Variants in VWA5A observed in about 807,000 individuals in gnomAD.
VWA5A encodes von Willebrand factor A domain-containing protein 5A.
Under a neutral mutation model 84.6 loss-of-function variants are expected in VWA5A, and 77 were observed. That is an observed-to-expected ratio of 0.91 (90% CI 0.76 to 1.10). VWA5A has a LOEUF of 1.10. Ranked by LOEUF, VWA5A falls within the 50% of genes least tolerant of loss-of-function variation. The probability of loss-of-function intolerance (pLI) is 0.00; values close to 1 mark genes in which losing one functional copy is unlikely to be tolerated. For missense variants in VWA5A, 973 were observed against 963.0 expected, an observed-to-expected ratio of 1.01 and a Z score of -0.14; for synonymous variants, 334 against 350.1, an observed-to-expected ratio of 0.95 and a Z score of 0.51.
Position 124,118,625 on chromosome 11 carries a change from T to A in VWA5A, c.562T>A (p.Ser188Thr), listed in dbSNP as rs1266075817. ...ACTCAGCATGGTCGCCACCATAGATTCCCAGCATGGCATTGAGAAGGTCCA... is the reference window on the plus strand; with the variant it reads ...ACTCAGCATGGTCGCCACCATAGATACCCAGCATGGCATTGAGAAGGTCCA... ...YTLSMVATID[S>T]QHGIEKVQSN... Residue 188 changes from serine to threonine, a missense_variant, in exon 6 of 19, where the codon TCC becomes ACC. Transcript: ENST00000456829. 5 of 1,614,120 alleles carry A rather than the reference T, an allele frequency of 3.1e-6. No individual in the cohort carries two copies. The Admixed American group carries it at 8.3e-5, about 27-fold the overall frequency.
At position 124,145,316 on chromosome 11, in the gene VWA5A, G is replaced by A; in HGVS notation, c.2234G>A (p.Trp745Ter). The change falls in exon 18 of 19, where the codon TGG becomes TAG. Residue 745 changes from tryptophan to a stop codon, truncating the protein, a stop_gained. Transcript: ENST00000456829. LOFTEE classifies it high-confidence loss of function. ...AATGGTAAGGACTTGAAGTGTGAAT[G>A]GGAGCTTCTGGAAAGGAAGGCCGTG... ...HSNGKDLKCEWELLERKAVAW... is the reference protein window; with the variant it reads ...HSNGKDLKCE The A allele has an allele frequency of 6.2e-7, 1 of 1,613,834 alleles. No homozygotes were observed. Among genetic ancestry groups the A allele is most frequent in the Non-Finnish European group, 8.5e-7 (1 of 1,179,834 alleles).
chr11:124,123,091 A>G lies in VWA5A; in HGVS notation c.892A>G (p.Ser298Gly). 1.9e-6 allele frequency: 3 copies of G among 1,613,918 alleles called. No homozygotes were observed. The East Asian group carries it at 6.7e-5, about 36-fold the overall frequency. ...GGGAAGTATGCAGAGCCCCATGAGTAGCCAGGATACATCTCAGCTGCGAAT... is the reference window on the plus strand; with the variant it reads ...GGGAAGTATGCAGAGCCCCATGAGTGGCCAGGATACATCTCAGCTGCGAAT... The part of the protein sequence containing the change: ...RSGSMQSPMS[S>G]QDTSQLRIQA... Residue 298 changes from serine to glycine, a missense_variant, in exon 8 of 19, where the codon AGC becomes GGC. Ser to Gly is a moderately conservative substitution (Grantham distance 56). Coordinates refer to ENST00000456829, the MANE Select transcript of VWA5A (RefSeq NM_001130142.2).
At chr11:124,118,123 C>T in intron 4 of VWA5A, 66 bp from the exon 5 acceptor site, 2 of 1,544,314 alleles carry the variant, frequency 1.3e-6, no homozygotes, top group African/African-American at 1.4e-5. Flanking sequence ...CACTGCTCGT[C>T]TCTTTTTCAG....
At position 124,132,900 on chromosome 11, in the gene VWA5A, G is replaced by A. The variant is rs550877241; in HGVS notation, c.1245-2020G>A. Among the ~76,000 whole-genome samples, 251 of 152,182 alleles carry A rather than the reference G, an allele frequency of 1.6e-3. 1 individual carries two copies. The highest frequency in any genetic ancestry group is 5.9e-3 in the African/African-American group (243 of 41,532). On this transcript the variant is annotated intron_variant, in intron 11 of 18. Transcript: ENST00000456829. Reference sequence around the variant, plus strand: ...TGTATATTCAGAGCTATAGATCTAAGCACATCTGTAGCTGAATTTTAAATA... The same window carrying A: ...TGTATATTCAGAGCTATAGATCTAAACACATCTGTAGCTGAATTTTAAATA...
intron 16 of VWA5A, 46 bp downstream of exon 16, chr11:124,141,787 A>G (rs1410188169): frequency 6.2e-7 from 1 of 1,604,370 alleles, no homozygotes; most frequent in Non-Finnish European, 8.5e-7. Flanking sequence ...TTTTTCTGTC[A>G]CATATACAGG....
Position 124,136,122 on chromosome 11 carries a change from A to T in VWA5A, c.1360-7A>T. Reference sequence around the variant, plus strand: ...TTGTGTTTATTCTGTTCTCTTCCCCACATTAGGCTCTCAGGACTCTGAAAC... The same window carrying T: ...TTGTGTTTATTCTGTTCTCTTCCCCTCATTAGGCTCTCAGGACTCTGAAAC... On this transcript the variant is annotated splice_region_variant and splice_polypyrimidine_tract_variant and intron_variant, in intron 12 of 18. Coordinates refer to ENST00000456829, the MANE Select transcript of VWA5A (RefSeq NM_001130142.2). 6.2e-7 allele frequency: 1 copy of T among 1,613,204 alleles called. No homozygotes were observed. The highest frequency in any genetic ancestry group is 1.3e-5 in the African/African-American group (1 of 75,016).
chr11:124,132,852 T>A (rs1865118328), intron 11 of VWA5A, among the ~76,000 whole-genome samples: 1 of 152,178 alleles, frequency 6.6e-6, no homozygotes, highest in African/African-American at 2.4e-5. Flanking sequence ...TGATAGTTGA[T>A]TTTTAGACTT....
chr11:124,132,467 G>C (rs939926323), intron 11 of VWA5A, among the ~76,000 whole-genome samples: 2 of 151,712 alleles, frequency 1.3e-5, no homozygotes, highest in Non-Finnish European at 2.9e-5. Context: ...TTTTTGTTTT[G>C]AACTATTCAT....
rs183635206 is a variant in VWA5A at position 124,128,451 on chromosome 11, C to T, written c.1244+4135C>T. ...TAGTTTGAAGCCAGGTAGCGTGATG[C>T]CTCCAGCTTTATTCTTTTTGCTTAG... is the stretch of plus-strand genomic sequence containing the variant. On this transcript the variant is annotated intron_variant, in intron 11 of 18. Coordinates refer to ENST00000456829, the MANE Select transcript of VWA5A (RefSeq NM_001130142.2). Among the ~76,000 whole-genome samples the T allele has an allele frequency of 5.7e-3, 871 of 152,268 alleles. 5 individuals carry two copies. The highest frequency in any genetic ancestry group is 9.2e-3 in the Non-Finnish European group (625 of 68,018).
Position 124,137,160 on chromosome 11 carries a change from A to G in VWA5A, c.1771A>G (p.Ile591Val), listed in dbSNP as rs1388537772. The G allele has an allele frequency of 5.0e-6, 8 of 1,614,070 alleles. No homozygotes were observed. The highest frequency in any genetic ancestry group is 6.8e-6 in the Non-Finnish European group (8 of 1,180,020). Residue 591 changes from isoleucine (I) to valine (V), a missense_variant, in exon 15 of 19, where the codon ATC becomes GTC. Coordinates refer to ENST00000456829, the MANE Select transcript of VWA5A (RefSeq NM_001130142.2). ...AAGCTCCTTCACAGCTTTCATTGCTATCAATAAGGAGCTCAACAAGCCGGT... is the reference window on the plus strand; with the variant it reads ...AAGCTCCTTCACAGCTTTCATTGCTGTCAATAAGGAGCTCAACAAGCCGGT... ...VISSFTAFIA[I>V]NKELNKPVQG...
In VWA5A at chr11:124,117,892, C is replaced by T. The variant is rs1444921369; in HGVS notation, c.246+17C>T. The T allele has an allele frequency of 5.0e-6, 8 of 1,611,990 alleles. No individual in the cohort carries two copies. Among genetic ancestry groups the T allele is most frequent in the Middle Eastern group, 1.7e-4 (1 of 6,054 alleles). The stretch of plus-strand genomic sequence containing the variant: ...AAGATGAAGGTAGTAGAGATTACCT[C>T]CTCCCTTCTTATTACATTACCTCCT... On this transcript the variant is annotated intron_variant, in intron 4 of 18. Transcript: ENST00000456829.
intron 17 of VWA5A, among the ~76,000 whole-genome samples, chr11:124,144,475 G>A (rs1015164193): frequency 1.3e-5 from 2 of 152,142 alleles, no homozygotes; most frequent in African/African-American, 2.4e-5. Context: ...GAGAACAAGC[G>A]TGGGGATGCT....
At chr11:124,140,093 A>G (rs1230615377) in intron 15 of VWA5A, among the ~76,000 whole-genome samples, 5 of 152,144 alleles carry the variant, frequency 3.3e-5, no homozygotes, top group Non-Finnish European at 5.9e-5. Flanking sequence ...CATGTTTATC[A>G]ATTTATGTTT....
intron 2 of VWA5A, 143 bp downstream of exon 2, chr11:124,116,823 A>C (rs570077418): frequency 4.8e-4 from 73 of 152,348 alleles, no homozygotes; most frequent in African/African-American, 1.7e-3. Context: ...ATATATTAGA[A>C]TATCTTGGAT....
chr11:124,136,711 TC>T (rs769511427), intron 14 of VWA5A, 37 bp downstream of exon 14: 55 of 1,072,508 alleles, frequency 5.1e-5, no homozygotes, highest in East Asian at 5.1e-4. Context: ...CTTCCTTCCT[TC>T]CTTCCTTCCT....
rs60188800 is a variant in VWA5A, at chr11:124,135,522, CTTTTT to C, written c.1359+508_1359+512del. Reference sequence around the variant, plus strand: ...GGAGAAGACCCCTCTGGTGGTATTTCTTTTTTTTTTTTTTTTTTTTTTTTCTGAGA... The same window carrying C: ...GGAGAAGACCCCTCTGGTGGTATTTCTTTTTTTTTTTTTTTTTTTCTGAGA... On this transcript the variant is annotated intron_variant, in intron 12 of 18. Transcript: ENST00000456829. Among the ~76,000 whole-genome samples the C allele has an allele frequency of 5.9e-4, 50 of 84,346 alleles. 1 individual carries two copies. The highest frequency in any genetic ancestry group is 0.011 in the Middle Eastern group (1 of 88). The allele number at this position is 84,346 out of a possible 152,430, so 55.3% of individuals were successfully genotyped here.
intron 15 of VWA5A, among the ~76,000 whole-genome samples, chr11:124,140,396 C>T (rs760846044): frequency 1.3e-5 from 2 of 151,968 alleles, no homozygotes; most frequent in African/African-American, 2.4e-5. Flanking sequence ...GGTCAAAGAT[C>T]AGGTAAAACA....
At position 124,117,870 on chromosome 11, in the gene VWA5A, A is replaced by ATGAAGGT. The variant is rs1159872413; in HGVS notation, c.242_246+2dup. 1.9e-6 allele frequency: 3 copies of ATGAAGGT among 1,614,208 alleles called. No individual in the cohort carries two copies. The East Asian group carries it at 6.7e-5, about 36-fold the overall frequency. On this transcript the variant is annotated frameshift_variant, in exon 4 of 19. Coordinates refer to ENST00000456829, the MANE Select transcript of VWA5A (RefSeq NM_001130142.2). LOFTEE classifies it high-confidence loss of function. ...AATTGTAGCAGAATTACAAGACAAG[A>ATGAAGGT]TGAAGGTAGTAGAGATTACCTCCTC...
In VWA5A at chr11:124,139,308, G is replaced by A. The variant is rs180799011; in HGVS notation, c.1879+2040G>A. On this transcript the variant is annotated intron_variant, in intron 15 of 18. Transcript: ENST00000456829. Reference sequence around the variant, plus strand: ...TTTTTATAATTCCATACAAATTTACGATTTTTTAATGCTGTGAAGGTTGTC... The same window carrying A: ...TTTTTATAATTCCATACAAATTTACAATTTTTTAATGCTGTGAAGGTTGTC... 7.3e-3 allele frequency among the ~76,000 whole-genome samples: 1,083 copies of A among 149,212 alleles called. 10 individuals are homozygous for A. The highest frequency in any genetic ancestry group is 0.011 in the Admixed American group (163 of 15,006).
Sources: gnomAD v4.1 joint callset for allele counts (sites outside exome capture counted in the v4.1 genomes callset) on GRCh38, gnomAD v4.1.1 for gene constraint, MANE v1.5 for transcripts, NCBI Gene and HGNC (gene_info 2026-07-23, HGNC 2026-07-21) for gene names.